Variants in RUBCNL observed in about 807,000 individuals in gnomAD.
RUBCNL encodes the protein rubicon like autophagy enhancer, also known as protein associated with UVRAG as autophagy enhancer.
A neutral mutation model predicts 69.5 loss-of-function variants in RUBCNL; 62 were observed. The observed-to-expected ratio is 0.89, with a 90% CI of 0.73 to 1.10. The LOEUF is 1.10. Ranked by LOEUF, RUBCNL falls within the 50% of genes least tolerant of loss-of-function variation. RUBCNL has a pLI of 0.00. For missense variants in RUBCNL, 768 were observed against 798.1 expected, an observed-to-expected ratio of 0.96 and a Z score of 0.45; for synonymous variants, 291 against 303.6, an observed-to-expected ratio of 0.96 and a Z score of 0.43.
chr13:46,354,873 A>G (rs1473433929), intron 10 of RUBCNL: 1 of 456,492 alleles, frequency 2.2e-6, no homozygotes, highest in Admixed American at 2.4e-5. Context: ...GCTTAGGGAA[A>G]TAACAAAAAG....
intron 12 of RUBCNL, among the ~76,000 whole-genome samples, chr13:46,346,860 A>G (rs2048256938): frequency 6.6e-6 from 1 of 152,236 alleles, no homozygotes; most frequent in Admixed American, 6.5e-5. Context: ...TGCTTTTTCT[A>G]CTTAAAAATC....
At chr13:46,368,974 G>C (rs753436425) in intron 3 of RUBCNL, among the ~76,000 whole-genome samples, 159 bp from the exon 4 acceptor site, 1 of 152,192 alleles carries the variant, frequency 6.6e-6, no homozygotes, top group Non-Finnish European at 1.5e-5. Flanking sequence ...CTTTCCGATG[G>C]CAGGTCTTAC....
chr13:46,354,924 T>C (rs981353926), intron 10 of RUBCNL: 4 of 443,452 alleles, frequency 9.0e-6, no homozygotes, highest in African/African-American at 4.0e-5. Context: ...TTCTGACTCA[T>C]GCATTCAATA....
chr13:46,387,290 C>A (rs961858440), upstream of RUBCNL: 2 of 985,450 alleles, frequency 2.0e-6, no homozygotes, highest in Non-Finnish European at 2.4e-6. Context: ...AGCGACGCCC[C>A]GACGCCGCCA....
In RUBCNL at chr13:46,334,718, T is replaced by C. The variant is rs79668640; in HGVS notation, c.*8667A>G. On this transcript the variant is annotated 3_prime_UTR_variant, in exon 15 of 15. Coordinates refer to ENST00000429979, the MANE Select transcript of RUBCNL (RefSeq NM_025113.5). ...AAAACACTGAATTTTATACACAAAG[T>C]GATAGACAAGATGCTAAACATACTT... is the stretch of plus-strand genomic sequence containing the variant. 0.018 allele frequency among the ~76,000 whole-genome samples: 2,715 copies of C among 152,304 alleles called. 62 individuals carry two copies. The highest frequency in any genetic ancestry group is 0.027 in the Non-Finnish European group (1,849 of 68,022).
chr13:46,384,224 C>G (rs2049184787), intron 1 of RUBCNL, among the ~76,000 whole-genome samples: 1 of 152,166 alleles, frequency 6.6e-6, no homozygotes, highest in African/African-American at 2.4e-5. Context: ...GTGCTAGTCC[C>G]TTCACTTAAC....
chr13:46,336,693 C>T lies in RUBCNL; in HGVS notation c.*6692G>A, dbSNP rs117436383. Reference sequence around the variant, plus strand: ...ATTTAGATATTGCTAGTGACCTTGACGGTTTGGGTAGAATGGTTGAGATGG... The same window carrying T: ...ATTTAGATATTGCTAGTGACCTTGATGGTTTGGGTAGAATGGTTGAGATGG... On this transcript the variant is annotated 3_prime_UTR_variant, in exon 15 of 15. Transcript: ENST00000429979. Among the ~76,000 whole-genome samples, 1,500 of 151,950 alleles carry T rather than the reference C, an allele frequency of 9.9e-3. 14 individuals are homozygous for T. Among genetic ancestry groups the T allele is most frequent in the Non-Finnish European group, 0.015 (1,046 of 67,996 alleles).
In RUBCNL at chr13:46,343,247, A is replaced by G. The variant is rs561590125; in HGVS notation, c.*138T>C. 41 of 1,297,436 alleles carry G rather than the reference A, an allele frequency of 3.2e-5. No individual in the cohort carries two copies. Among genetic ancestry groups the G allele is most frequent in the Non-Finnish European group, 3.8e-5 (36 of 937,318 alleles). 80.4% of individuals were successfully genotyped at this position (1,297,436 alleles called of 1,614,324 possible). The stretch of plus-strand genomic sequence containing the variant: ...TGCATTCTTTTGAAACATTAAGTAT[A>G]TGCAATAAAGAGAATATAGACCATC... On this transcript the variant is annotated 3_prime_UTR_variant, in exon 15 of 15. Coordinates refer to ENST00000429979, the MANE Select transcript of RUBCNL (RefSeq NM_025113.5).
intron 2 of RUBCNL, among the ~76,000 whole-genome samples, chr13:46,373,621 T>C (rs1312044432): frequency 6.6e-6 from 1 of 152,254 alleles, no homozygotes; most frequent in African/African-American, 2.4e-5. Flanking sequence ...GTTCTTCCAC[T>C]GCCCTCTGCA....
chr13:46,368,593 T>C, intron 4 of RUBCNL, 140 bp downstream of exon 4: 1 of 1,307,202 alleles, frequency 7.6e-7, no homozygotes, highest in Non-Finnish European at 1.0e-6. Context: ...TTAGTGTTTC[T>C]GGCAGTCTCC....
chr13:46,356,541 T>C (rs1407031506), intron 9 of RUBCNL, 45 bp from the exon 10 acceptor site: 52 of 1,537,654 alleles, frequency 3.4e-5, no homozygotes, highest in Non-Finnish European at 4.5e-5. Context: ...AGAAGGCCAA[T>C]GGCACATTTT....
chr13:46,359,076 C>T, intron 9 of RUBCNL, among the ~76,000 whole-genome samples: 1 of 151,830 alleles, frequency 6.6e-6, no homozygotes. Flanking sequence ...CCCAGGAGTC[C>T]AACACCAGCC....
At chr13:46,373,313 G>T (rs2048919845) in intron 2 of RUBCNL, among the ~76,000 whole-genome samples, 1 of 152,114 alleles carries the variant, frequency 6.6e-6, no homozygotes, top group Non-Finnish European at 1.5e-5. Context: ...TTGTTCTTGT[G>T]TTTCAACAAA....
chr13:46,372,276 T>C lies in RUBCNL; in HGVS notation c.200A>G (p.Gln67Arg), dbSNP rs2048894891. 2 of 1,614,008 alleles carry C rather than the reference T, an allele frequency of 1.2e-6. No homozygotes were observed. Among genetic ancestry groups the C allele is most frequent in the Non-Finnish European group, 1.7e-6 (2 of 1,179,886 alleles). The part of the protein sequence containing the change: ...QDVQQQPQDL[Q>R]SQVPAAGNSG... ...GTTCCCTGCTGCTGGCACCTGAGAT[T>C]GCAAGTCCTGCGGCTGTTGCTGCAC... is the stretch of plus-strand genomic sequence containing the variant. Residue 67 changes from glutamine (Q) to arginine (R), a missense_variant, in exon 3 of 15, where the codon CAA becomes CGA. Transcript: ENST00000429979.
chr13:46,340,541 A>G lies in RUBCNL; in HGVS notation c.*2844T>C, dbSNP rs1594123288. The stretch of plus-strand genomic sequence containing the variant: ...CTTAGATAATTTAAATGGCTTCCCC[A>G]GTGTCTGAGTCTATTTGTGTTGCTA... On this transcript the variant is annotated 3_prime_UTR_variant, in exon 15 of 15. Transcript: ENST00000429979. Among the ~76,000 whole-genome samples the G allele has an allele frequency of 6.6e-6, 1 of 152,170 alleles. No individual in the cohort carries two copies. The highest frequency in any genetic ancestry group is 1.5e-5 in the Non-Finnish European group (1 of 68,026).
intron 12 of RUBCNL, among the ~76,000 whole-genome samples, chr13:46,348,598 G>C (rs1010958561): frequency 2.1e-5 from 3 of 144,846 alleles, no homozygotes; most frequent in African/African-American, 7.9e-5. Flanking sequence ...TAAGTCTCAC[G>C]AGATTTGATT....
chr13:46,344,815 C>A lies in RUBCNL; in HGVS notation c.1802G>T (p.Gly601Val), dbSNP rs530267659. 28 of 1,610,766 alleles carry A rather than the reference C, an allele frequency of 1.7e-5. No individual in the cohort carries two copies. The South Asian group carries it at 3.1e-4, about 18-fold the overall frequency. ...VAGCELCQGK[G>V]FICEFCQNTT... is the part of the protein sequence containing the mutation. ...ATTCTGGCAAAATTCACAAATAAAGCCCTTTCCTTGACACAGCTGTAAAAG... is the reference window on the plus strand; with the variant it reads ...ATTCTGGCAAAATTCACAAATAAAGACCTTTCCTTGACACAGCTGTAAAAG... Residue 601 changes from glycine (G) to valine (V), a missense_variant, in exon 14 of 15, where the codon GGC (glycine) becomes GTC (valine). By Grantham distance (109) the Gly-to-Val change is moderately radical (BLOSUM62 -3). Coordinates refer to ENST00000429979, the MANE Select transcript of RUBCNL (RefSeq NM_025113.5).
chr13:46,387,338 C>T, upstream of RUBCNL: 1 of 985,588 alleles, frequency 1.0e-6, no homozygotes, highest in Non-Finnish European at 1.2e-6. Context: ...CCGTAGCTCT[C>T]TAGAAGCTCC....
intron 10 of RUBCNL, among the ~76,000 whole-genome samples, chr13:46,355,462 AT>A (rs1284516577): frequency 6.6e-6 from 1 of 151,732 alleles, no homozygotes; most frequent in Non-Finnish European, 1.5e-5. Flanking sequence ...TGCCTGGCTA[AT>A]TTTTTTGTAT....
Sources: gnomAD v4.1 joint callset for allele counts (sites outside exome capture counted in the v4.1 genomes callset) on GRCh38, gnomAD v4.1.1 for gene constraint, MANE v1.5 for transcripts, NCBI Gene and HGNC (gene_info 2026-07-23, HGNC 2026-07-21) for gene names.